PPP2R2B: variants seen among roughly 807,000 people sequenced by gnomAD.
PPP2R2B encodes the protein protein phosphatase 2 regulatory subunit Bbeta, also known as serine/threonine-protein phosphatase 2A 55 kDa regulatory subunit B beta isoform.
Under a neutral mutation model 46.0 loss-of-function variants are expected in PPP2R2B, and 5 were observed. The ratio of observed to expected loss-of-function variants is 0.11; its 90% CI spans 0.06 to 0.23. PPP2R2B has a LOEUF of 0.23. Among genes scored for constraint, PPP2R2B ranks in the 10% least tolerant of loss-of-function variants. The pLI is 1.00. For synonymous variants in PPP2R2B, 215 were observed against 206.7 expected, an observed-to-expected ratio of 1.04 and a Z score of -0.34; for missense variants, 367 against 575.0, an observed-to-expected ratio of 0.64 and a Z score of 3.70.
chr5:146,873,481 C>G (rs149994917), intron 2 of PPP2R2B, among the ~76,000 whole-genome samples: 78 of 152,312 alleles, frequency 5.1e-4, no homozygotes, highest in African/African-American at 1.8e-3. Flanking sequence ...GTCAACAAGG[C>G]TTGATATGAT....
chr5:146,955,648 A>G (rs989197002), intron 1 of PPP2R2B, among the ~76,000 whole-genome samples: 3 of 152,114 alleles, frequency 2.0e-5, no homozygotes, highest in Non-Finnish European at 4.4e-5. Flanking sequence ...GAACTGGAAC[A>G]AAGGGGCTTG....
intron 2 of PPP2R2B, among the ~76,000 whole-genome samples, chr5:146,869,552 T>G (rs1434843178): frequency 6.6e-6 from 1 of 152,194 alleles, no homozygotes; most frequent in Non-Finnish European, 1.5e-5. Context: ...CAGTGTGTAC[T>G]CATTTATGCA....
chr5:146,995,574 T>C (rs1031754384), intron 1 of PPP2R2B, among the ~76,000 whole-genome samples: 4 of 152,198 alleles, frequency 2.6e-5, no homozygotes, highest in African/African-American at 9.6e-5. Context: ...AAAGGTTACT[T>C]TTAGTATCCA....
chr5:146,791,120 G>C (rs916201061), intron 2 of PPP2R2B, among the ~76,000 whole-genome samples: 2 of 152,144 alleles, frequency 1.3e-5, no homozygotes, highest in African/African-American at 4.8e-5. Context: ...CTCTTCTTGT[G>C]TCCTTTGGAA....
intron 1 of PPP2R2B, among the ~76,000 whole-genome samples, chr5:146,999,013 CAAAAAAAAAAAAAAA>C (rs60753702): frequency 1.5e-5 from 1 of 65,300 alleles, no homozygotes; most frequent in Non-Finnish European, 2.7e-5. Flanking sequence ...GACTCCATAT[CAAAAAAAAAAAAAAA>C]AAAAAAAAAA....
At chr5:146,753,397 T>C (rs1235547706) in intron 2 of PPP2R2B, among the ~76,000 whole-genome samples, 2 of 152,204 alleles carry the variant, frequency 1.3e-5, no homozygotes, top group Admixed American at 6.5e-5. Context: ...AGGACCTCAA[T>C]AAGTTTGTAT....
chr5:146,593,455 G>C (rs1180860998), intron 8 of PPP2R2B, among the ~76,000 whole-genome samples: 1 of 152,262 alleles, frequency 6.6e-6, no homozygotes, highest in East Asian at 1.9e-4. Flanking sequence ...TATCCTTGCA[G>C]TGCTTTTGAC....
At chr5:147,025,705 G>A (rs1273803075) in intron 1 of PPP2R2B, among the ~76,000 whole-genome samples, 1 of 151,888 alleles carries the variant, frequency 6.6e-6, no homozygotes, top group Non-Finnish European at 1.5e-5. Context: ...AATATATAAA[G>A]GACTCTCAAA....
Position 146,678,703 on chromosome 5 carries a change from C to T in PPP2R2B, c.447+12425G>A, listed in dbSNP as rs1445848937. On this transcript the variant is annotated intron_variant, in intron 5 of 9. Transcript: ENST00000394411. ...AAGCAACTTCAGCAAAGTTTCAGGACACAAAATCAATGTACAAAAATCACA... is the reference window on the plus strand; with the variant it reads ...AAGCAACTTCAGCAAAGTTTCAGGATACAAAATCAATGTACAAAAATCACA... 7.4e-5 allele frequency among the ~76,000 whole-genome samples: 11 copies of T among 149,166 alleles called. No homozygotes were observed. In the South Asian group the frequency reaches 8.5e-4, roughly 12 times the overall value.
intron 1 of PPP2R2B, among the ~76,000 whole-genome samples, chr5:147,043,837 A>G (rs1019654836): frequency 6.6e-6 from 1 of 152,146 alleles, no homozygotes; most frequent in Non-Finnish European, 1.5e-5. Context: ...CAAATGCAGG[A>G]CTGTAACAGT....
chr5:146,780,259 G>A (rs1409058105), intron 2 of PPP2R2B, among the ~76,000 whole-genome samples: 1 of 152,180 alleles, frequency 6.6e-6, no homozygotes, highest in African/African-American at 2.4e-5. Context: ...TTGACTGCAT[G>A]AGTCAATGAA....
intron 2 of PPP2R2B, among the ~76,000 whole-genome samples, chr5:146,789,765 G>A (rs942041319): frequency 4.6e-5 from 7 of 152,128 alleles, no homozygotes; most frequent in African/African-American, 1.7e-4. Flanking sequence ...GGTCAGGGCT[G>A]ACCTCTCTGA....
intron 1 of PPP2R2B, among the ~76,000 whole-genome samples, chr5:146,885,479 G>A (rs1285218824): frequency 6.6e-6 from 1 of 152,222 alleles, no homozygotes; most frequent in Non-Finnish European, 1.5e-5. Flanking sequence ...AATTGTGTTG[G>A]TGAGGATGTG....
chr5:147,005,316 A>G (rs561319672), intron 1 of PPP2R2B, among the ~76,000 whole-genome samples: 14 of 152,332 alleles, frequency 9.2e-5, no homozygotes, highest in South Asian at 4.1e-4. Flanking sequence ...AACATACTTG[A>G]AAGTAAACCT....
intron 1 of PPP2R2B, among the ~76,000 whole-genome samples, chr5:146,983,486 G>A (rs887368539): frequency 2.0e-4 from 31 of 152,096 alleles, no homozygotes; most frequent in African/African-American, 7.0e-4. Flanking sequence ...GGCCCAGAGC[G>A]TTTCTTTGTA....
At chr5:146,641,522 TTTTTTTTG>T (rs1775215100) in intron 6 of PPP2R2B, among the ~76,000 whole-genome samples, 3 of 74,072 alleles carry the variant, frequency 4.1e-5, no homozygotes, top group Middle Eastern at 0.015. Flanking sequence ...TTTTTTTTTT[TTTTTTTTG>T]AAGCAGAATT....
intron 7 of PPP2R2B, among the ~76,000 whole-genome samples, chr5:146,621,873 T>C (rs955976033): frequency 3.3e-5 from 5 of 152,186 alleles, no homozygotes; most frequent in Admixed American, 3.3e-4. Context: ...GAGAGACAGG[T>C]TGTACTTGGT....
intron 1 of PPP2R2B, among the ~76,000 whole-genome samples, chr5:146,944,515 A>G (rs1489401615): frequency 6.6e-6 from 1 of 152,286 alleles, no homozygotes; most frequent in South Asian, 2.1e-4. Flanking sequence ...GTTGACCTGT[A>G]CCAGATTTTC....
chr5:147,080,925 C>A (rs1420554135), intron 2 of PPP2R2B: 7 of 768,766 alleles, frequency 9.1e-6, no homozygotes, highest in South Asian at 7.7e-5. Flanking sequence ...TTATTAAATC[C>A]ATTTCTAGCC....
Sources: gnomAD v4.1 joint callset for allele counts (sites outside exome capture counted in the v4.1 genomes callset) on GRCh38, gnomAD v4.1.1 for gene constraint, MANE v1.5 for transcripts, NCBI Gene and HGNC (gene_info 2026-07-23, HGNC 2026-07-21) for gene names.